Variants in BBS9 observed in about 807,000 individuals in gnomAD.
The protein encoded by BBS9 is Bardet-Biedl syndrome 9.
A neutral mutation model predicts 117.7 loss-of-function variants in BBS9; 89 were observed. The ratio of observed to expected loss-of-function variants is 0.76; its 90% confidence interval spans 0.64 to 0.90. The LOEUF (loss-of-function observed/expected upper bound fraction) is 0.90, where lower values mean the gene tolerates loss of function less well. Among genes scored for constraint, BBS9 ranks in the 40% least tolerant of loss-of-function variants. The probability of loss-of-function intolerance (pLI) is 0.00; values close to 1 mark genes in which losing one functional copy is unlikely to be tolerated. For missense variants in BBS9, 982 were observed against 1,042.2 expected (o/e 0.94, Z 0.80); for synonymous variants, 379 against 370.9 (o/e 1.02, Z -0.25).
At chr7:33,187,468 T>A (rs1229695033) in intron 5 of BBS9, among the ~76,000 whole-genome samples, 1 of 152,238 alleles carries the variant, frequency 6.6e-6, no homozygotes, top group Non-Finnish European at 1.5e-5. Flanking sequence ...TTGGGCACTT[T>A]CAGGGACTGA....
At chr7:33,336,741 A>C (rs1815453726) in intron 10 of BBS9, 119 bp downstream of exon 10, 1 of 756,568 alleles carries the variant, frequency 1.3e-6, no homozygotes, top group Non-Finnish European at 2.2e-6. Flanking sequence ...TTAAAATCAT[A>C]TTTGTAAAAA....
intron 9 of BBS9, among the ~76,000 whole-genome samples, chr7:33,335,515 T>C (rs1815160994): frequency 6.6e-6 from 1 of 152,232 alleles, no homozygotes; most frequent in African/African-American, 2.4e-5. Flanking sequence ...TGTTGAATTT[T>C]TTTGTTTTTA....
intron 19 of BBS9, among the ~76,000 whole-genome samples, chr7:33,442,939 T>A (rs1299616861): frequency 6.6e-6 from 1 of 152,180 alleles, no homozygotes; most frequent in African/African-American, 2.4e-5. Flanking sequence ...AGGAAGTCTA[T>A]TGGAAACATA....
At chr7:33,448,935 G>C (rs971133327) in intron 19 of BBS9, among the ~76,000 whole-genome samples, 1 of 152,182 alleles carries the variant, frequency 6.6e-6, no homozygotes, top group African/African-American at 2.4e-5. Context: ...TCCTCCCAGA[G>C]GACAAGAGTA....
At chr7:33,558,880 T>C (rs1266105072) in intron 21 of BBS9, among the ~76,000 whole-genome samples, 2 of 152,316 alleles carry the variant, frequency 1.3e-5, no homozygotes, top group East Asian at 3.9e-4. Context: ...TCATGACTAA[T>C]GAATTTTTTA....
chr7:33,331,534 G>C (rs1157715558), intron 9 of BBS9, among the ~76,000 whole-genome samples: 1 of 151,916 alleles, frequency 6.6e-6, no homozygotes, highest in Admixed American at 6.6e-5. Context: ...CATCCAAAAA[G>C]CTCTTAGATC....
intron 4 of BBS9, among the ~76,000 whole-genome samples, chr7:33,172,614 A>G (rs187411537): frequency 6.6e-6 from 1 of 152,228 alleles, no homozygotes; most frequent in Non-Finnish European, 1.5e-5. Context: ...ACACATGGAC[A>G]TGAAAGATTT....
At chr7:33,509,038 A>C (rs1310587763) in intron 20 of BBS9, among the ~76,000 whole-genome samples, 3 of 152,008 alleles carry the variant, frequency 2.0e-5, no homozygotes, top group Non-Finnish European at 4.4e-5. Flanking sequence ...AATTCTTTCA[A>C]CTCTCTTCTG....
At chr7:33,594,992 G>A (rs767807993) in intron 21 of BBS9, among the ~76,000 whole-genome samples, 37 of 152,032 alleles carry the variant, frequency 2.4e-4, no homozygotes, top group Non-Finnish European at 4.4e-4. Flanking sequence ...CTAGCCATAC[G>A]CAGAAAACTG....
At chr7:33,230,685 G>A (rs753094675) in intron 5 of BBS9, among the ~76,000 whole-genome samples, 3 of 152,146 alleles carry the variant, frequency 2.0e-5, no homozygotes, top group Non-Finnish European at 2.9e-5. Flanking sequence ...TTGGTTTTCT[G>A]TTCCTGAGTT....
rs1837835573 is a variant in BBS9, at chr7:33,451,319, A to G, written c.2116-54144A>G. Among the ~76,000 whole-genome samples, 3 of 152,208 alleles carry G rather than the reference A, an allele frequency of 2.0e-5. No homozygotes were observed. The South Asian group carries it at 6.2e-4, about 31-fold the overall frequency. On this transcript the variant is annotated intron_variant, in intron 19 of 22. Transcript: ENST00000242067. ...TCCCCTATGTTTTCTTCTAAAAATT[A>G]TAGTTTCAGGTCTTATGTTTCAGCC...
intron 21 of BBS9, among the ~76,000 whole-genome samples, chr7:33,536,705 A>ACCTC (rs1563323478): frequency 1.6e-4 from 1 of 6,178 alleles, no homozygotes; most frequent in African/African-American, 6.0e-4. Flanking sequence ...GCCTCCCCCC[A>ACCTC]CCCCACTTAA....
chr7:33,406,303 G>A (rs1449270476), intron 19 of BBS9, among the ~76,000 whole-genome samples: 2 of 152,114 alleles, frequency 1.3e-5, no homozygotes. Context: ...TGGTGCTGAA[G>A]AAAATATATA....
At chr7:33,539,137 A>G (rs1851890544) in intron 21 of BBS9, among the ~76,000 whole-genome samples, 1 of 152,170 alleles carries the variant, frequency 6.6e-6, no homozygotes, top group Non-Finnish European at 1.5e-5. Flanking sequence ...AGAAGAATAA[A>G]ATTATAAGAT....
chr7:33,158,859 T>A (rs1173120392), intron 4 of BBS9, among the ~76,000 whole-genome samples: 1 of 150,970 alleles, frequency 6.6e-6, no homozygotes, highest in Non-Finnish European at 1.5e-5. Flanking sequence ...TGAGCCAGAG[T>A]AGGCTGAGAG....
intron 21 of BBS9, among the ~76,000 whole-genome samples, chr7:33,592,586 G>C (rs1271047260): frequency 1.3e-5 from 2 of 152,068 alleles, no homozygotes; most frequent in African/African-American, 4.8e-5. Flanking sequence ...TATGTGGAAG[G>C]ATATGATAAA....
chr7:33,431,757 A>G (rs185080119), intron 19 of BBS9, among the ~76,000 whole-genome samples: 1 of 152,356 alleles, frequency 6.6e-6, no homozygotes, highest in East Asian at 1.9e-4. Context: ...GTTTTGCTAT[A>G]GCAGCCCAAA....
At chr7:33,280,653 G>A (rs1801630413) in intron 9 of BBS9, among the ~76,000 whole-genome samples, 1 of 152,128 alleles carries the variant, frequency 6.6e-6, no homozygotes, top group South Asian at 2.1e-4. Flanking sequence ...TGAATAATCA[G>A]TGAGAAAGAT....
chr7:33,272,893 T>C (rs1445765229), intron 7 of BBS9, 119 bp from the exon 8 acceptor site: 49 of 970,782 alleles, frequency 5.0e-5, no homozygotes, highest in Non-Finnish European at 6.5e-5. Context: ...ATGAAAGAGA[T>C]TAGCCCATCT....
Sources: allele counts gnomAD v4.1 joint callset (sites outside exome capture counted in the v4.1 genomes callset), GRCh38; gene constraint gnomAD v4.1.1; transcripts MANE v1.5; gene names NCBI Gene and HGNC (gene_info 2026-07-23, HGNC 2026-07-21).